The following PCNX2 variants were observed in gnomAD, a reference collection of about 807,000 sequenced individuals.
PCNX2 encodes the protein pecanex-like protein 2.
In PCNX2, 168 loss-of-function variants were observed where a neutral mutation model predicts 223.8. The observed-to-expected ratio is 0.75, with a 90% CI of 0.66 to 0.85. PCNX2 has a LOEUF of 0.85. PCNX2 is among the 40% of genes least tolerant of loss of function. The pLI is 0.00. For synonymous variants in PCNX2, 1,006 were observed against 1,052.6 expected (o/e 0.96, Z 0.86); for missense variants, 2,507 against 2,675.5 (o/e 0.94, Z 1.39).
At position 232,998,291 on chromosome 1, in the gene PCNX2, A is replaced by G; in HGVS notation, c.5751T>C (p.Ala1917=). Residue 1917 remains alanine (A), a synonymous_variant, in exon 32 of 34, where the codon GCT becomes GCC. Transcript: ENST00000258229. Reference sequence around the variant, plus strand: ...CTTCACAGGATGACACCCCGTGCTGAGCACCGCCTTTTCTGGGCTGTTCTG... The same window carrying G: ...CTTCACAGGATGACACCCCGTGCTGGGCACCGCCTTTTCTGGGCTGTTCTG... The part of the protein sequence containing the change: ...SSAEQPRKGG[A]QHGVSSCEGT... 1.2e-6 allele frequency: 2 copies of G among 1,605,848 alleles called. No individual in the cohort carries two copies. The highest frequency in any genetic ancestry group is 1.7e-6 in the Non-Finnish European group (2 of 1,176,014).
intron 23 of PCNX2, among the ~76,000 whole-genome samples, chr1:233,079,639 A>T (rs1673266158): frequency 6.6e-6 from 1 of 152,206 alleles, no homozygotes; most frequent in African/African-American, 2.4e-5. Context: ...ACTCAACTCA[A>T]AATGGCTTAA....
chr1:233,161,498 A>C, intron 17 of PCNX2, 135 bp from the exon 18 acceptor site: 63 of 694,956 alleles, frequency 9.1e-5, no homozygotes, highest in East Asian at 2.0e-4. Context: ...TGACACACTC[A>C]TTGGCACATA....
chr1:233,320,703 A>G, the PCNX2 span, among the ~76,000 whole-genome samples: 1 of 152,192 alleles, frequency 6.6e-6, no homozygotes, highest in Non-Finnish European at 1.5e-5. Flanking sequence ...ATCTTTTTGC[A>G]TACTTTGGAG....
intron 21 of PCNX2, among the ~76,000 whole-genome samples, chr1:233,108,338 A>G (rs527409950): frequency 1.1e-4 from 16 of 152,302 alleles, no homozygotes; most frequent in Middle Eastern, 3.4e-3. Context: ...AGATACCTTC[A>G]GGGAGAAAAG....
At chr1:233,171,371 G>T (rs958671617) in intron 17 of PCNX2, among the ~76,000 whole-genome samples, 67 of 150,914 alleles carry the variant, frequency 4.4e-4, no homozygotes, top group African/African-American at 1.5e-3. Context: ...AATATCTTCA[G>T]AATTACATGT....
intron 28 of PCNX2, among the ~76,000 whole-genome samples, chr1:233,005,632 C>T (rs1306627402): frequency 6.6e-6 from 1 of 152,170 alleles, no homozygotes; most frequent in Non-Finnish European, 1.5e-5. Flanking sequence ...TCAAGGCATC[C>T]TAAAAGGAAG....
At chr1:233,003,702 C>T (rs1364982047) in intron 28 of PCNX2, among the ~76,000 whole-genome samples, 3 of 152,136 alleles carry the variant, frequency 2.0e-5, no homozygotes, top group Admixed American at 1.3e-4. Context: ...CACATGCACA[C>T]GTATGTTTAC....
At chr1:233,138,459 C>G (rs1676930270) in intron 20 of PCNX2, among the ~76,000 whole-genome samples, 1 of 152,158 alleles carries the variant, frequency 6.6e-6, no homozygotes, top group African/African-American at 2.4e-5. Context: ...TTCTTTGCTA[C>G]TCTGGCTTTG....
At chr1:233,131,418 G>A (rs1397245367) in intron 21 of PCNX2, among the ~76,000 whole-genome samples, 1 of 152,014 alleles carries the variant, frequency 6.6e-6, no homozygotes, top group Non-Finnish European at 1.5e-5. Flanking sequence ...AGAATGAAAA[G>A]GAGCTATCAA....
intron 4 of PCNX2, 112 bp downstream of exon 4, chr1:233,261,173 C>T: frequency 1.0e-6 from 1 of 976,840 alleles, no homozygotes; most frequent in Non-Finnish European, 1.6e-6. Flanking sequence ...ACTATGCAGT[C>T]TTAGGTATAG....
chr1:233,205,620 C>T (rs139028952), intron 13 of PCNX2, among the ~76,000 whole-genome samples: 3,259 of 152,000 alleles, frequency 0.021, 116 homozygotes, highest in African/African-American at 0.073. Flanking sequence ...CGCTTGAACC[C>T]AGGAGGCAGA....
intron 17 of PCNX2, among the ~76,000 whole-genome samples, chr1:233,176,220 T>C (rs939902771): frequency 6.6e-6 from 1 of 152,238 alleles, no homozygotes; most frequent in African/African-American, 2.4e-5. Context: ...TATGAATGTT[T>C]GTAAGTTGAT....
At chr1:233,210,963 G>A (rs1024855710) in intron 12 of PCNX2, among the ~76,000 whole-genome samples, 1 of 152,166 alleles carries the variant, frequency 6.6e-6, no homozygotes, top group African/African-American at 2.4e-5. Context: ...AGCAAGGTTC[G>A]AGACTCGAAC....
chr1:233,132,892 CTTT>C (rs892121349), intron 21 of PCNX2, among the ~76,000 whole-genome samples: 5 of 114,848 alleles, frequency 4.4e-5, no homozygotes, highest in African/African-American at 3.4e-5. Flanking sequence ...CATTTTACAT[CTTT>C]TTTTTTTTTT....
rs1669704429 is a variant in PCNX2, at chr1:232,991,704, G to A, written c.5792-5164C>T. 6.6e-6 allele frequency among the ~76,000 whole-genome samples: 1 copy of A among 152,128 alleles called. No homozygotes were observed. The highest frequency in any genetic ancestry group is 1.5e-5 in the Non-Finnish European group (1 of 68,038). On this transcript the variant is annotated intron_variant, in intron 32 of 33. Transcript: ENST00000258229. The surrounding 1 kb of genome is among the most constrained non-coding windows in gnomAD (Gnocchi z 4.3). ...GTGAAGACCAAGCCAGAGCTCAGTG[G>A]TGCTTCTCGAGGCCGGGGGATGCCT...
chr1:233,149,412 G>A (rs975855338), intron 19 of PCNX2, among the ~76,000 whole-genome samples: 2 of 152,120 alleles, frequency 1.3e-5, no homozygotes, highest in Non-Finnish European at 2.9e-5. Flanking sequence ...GATTTAAGCT[G>A]CAAGGATAGA....
intron 10 of PCNX2, among the ~76,000 whole-genome samples, chr1:233,218,765 T>C (rs1657183351): frequency 6.6e-6 from 1 of 152,112 alleles, no homozygotes; most frequent in African/African-American, 2.4e-5. Flanking sequence ...GCTTGGCCAC[T>C]AAACTGGGTT....
intron 25 of PCNX2, among the ~76,000 whole-genome samples, chr1:233,044,756 C>T (rs1357988858): frequency 6.6e-6 from 1 of 151,886 alleles, no homozygotes; most frequent in Admixed American, 6.6e-5. Flanking sequence ...GCAACCTCCA[C>T]TTCTCAGATT....
At chr1:233,184,782 T>G (rs1679996139) in intron 15 of PCNX2, among the ~76,000 whole-genome samples, 1 of 152,130 alleles carries the variant, frequency 6.6e-6, no homozygotes, top group Admixed American at 6.5e-5. Context: ...AGAAGGATGT[T>G]TATGTCCTTC....
Sources: gnomAD v4.1 joint callset for allele counts (sites outside exome capture counted in the v4.1 genomes callset) on GRCh38, gnomAD v4.1.1 for gene constraint, Gnocchi (gnomAD v3.1) non-coding constraint, MANE v1.5 for transcripts, NCBI Gene and HGNC (gene_info 2026-07-23, HGNC 2026-07-21) for gene names.